The following AKT3 variants were observed in gnomAD, a reference collection of about 807,000 sequenced individuals.
AKT3 encodes the protein AKT serine/threonine kinase 3.
Under a neutral mutation model 65.3 loss-of-function variants are expected in AKT3, and 15 were observed. The ratio of observed to expected loss-of-function variants is 0.23; its 90% CI spans 0.15 to 0.35. AKT3 has a LOEUF of 0.35. Ranked by LOEUF, AKT3 falls within the 10% of genes least tolerant of loss-of-function variation. The pLI is 1.00. For missense variants in AKT3, 243 were observed against 576.5 expected (o/e 0.42, Z 5.92); for synonymous variants, 206 against 183.8 (o/e 1.12, Z -0.98).
intron 8 of AKT3, among the ~76,000 whole-genome samples, chr1:243,587,328 A>G (rs1034442111): frequency 6.6e-6 from 1 of 152,112 alleles, no homozygotes; most frequent in African/African-American, 2.4e-5. Flanking sequence ...ATAAAAATAT[A>G]CGCTGGGTAC....
At chr1:243,723,975 A>G (rs1687065089) in intron 2 of AKT3, among the ~76,000 whole-genome samples, 1 of 152,188 alleles carries the variant, frequency 6.6e-6, no homozygotes, top group Non-Finnish European at 1.5e-5. Context: ...AATTCAAGTT[A>G]AAGCTGTCTC....
chr1:243,744,310 G>C (rs1688339842), intron 2 of AKT3, among the ~76,000 whole-genome samples: 1 of 152,140 alleles, frequency 6.6e-6, no homozygotes, highest in African/African-American at 2.4e-5. Flanking sequence ...GGAAGGGAAG[G>C]CTTATAAGGT....
intron 2 of AKT3, among the ~76,000 whole-genome samples, chr1:243,833,072 C>T (rs1052732495): frequency 1.3e-5 from 2 of 151,970 alleles, no homozygotes; most frequent in African/African-American, 2.4e-5. Flanking sequence ...CCAGCCTGGC[C>T]AACATGGTGA....
intron 3 of AKT3, among the ~76,000 whole-genome samples, chr1:243,681,648 T>C (rs1240829253): frequency 1.3e-5 from 2 of 152,172 alleles, no homozygotes; most frequent in Non-Finnish European, 2.9e-5. Flanking sequence ...ACGAAAGTTC[T>C]ATGGGTGCTG....
At chr1:243,614,882 A>G (rs1678181482) in intron 7 of AKT3, among the ~76,000 whole-genome samples, 1 of 152,144 alleles carries the variant, frequency 6.6e-6, no homozygotes, top group Non-Finnish European at 1.5e-5. Flanking sequence ...AAATTCTCAA[A>G]AAAGTAATAA....
intron 2 of AKT3, among the ~76,000 whole-genome samples, chr1:243,716,395 C>T (rs1268071135): frequency 6.6e-6 from 1 of 151,998 alleles, no homozygotes; most frequent in Non-Finnish European, 1.5e-5. Context: ...CTAGCAGGTA[C>T]CAAATACAAT....
intron 10 of AKT3, among the ~76,000 whole-genome samples, chr1:243,553,399 A>G (rs1004349402): frequency 6.6e-6 from 1 of 152,224 alleles, no homozygotes; most frequent in African/African-American, 2.4e-5. Flanking sequence ...AATACAAATT[A>G]AACAGTGAAA....
chr1:243,657,815 G>A (rs927844500), intron 4 of AKT3, among the ~76,000 whole-genome samples: 3 of 152,058 alleles, frequency 2.0e-5, no homozygotes, highest in African/African-American at 7.2e-5. Flanking sequence ...ACAGAACAGA[G>A]AGCCCAGGTA....
intron 2 of AKT3, among the ~76,000 whole-genome samples, chr1:243,758,947 C>T (rs888674016): frequency 2.0e-5 from 3 of 152,218 alleles, no homozygotes; most frequent in Non-Finnish European, 2.9e-5. Flanking sequence ...TGATATGGGA[C>T]GCTACAGGAG....
At chr1:243,835,488 A>G (rs1694839825) in intron 2 of AKT3, among the ~76,000 whole-genome samples, 1 of 152,176 alleles carries the variant, frequency 6.6e-6, no homozygotes, top group Non-Finnish European at 1.5e-5. Flanking sequence ...ACCTTAGAAC[A>G]ATACCTAAAA....
At position 243,489,822 on chromosome 1, in the gene AKT3, C is replaced by G. The variant is rs1398095722; in HGVS notation, c.*7-1372G>C. The stretch of plus-strand genomic sequence containing the variant: ...CCTGACTCCACAGCCCAGGCTTTCC[C>G]CATTCAGGTTAGATCCGGGGCCACC... On this transcript the variant is annotated intron_variant, in intron 13 of 13. Transcript: ENST00000336199. Among the ~76,000 whole-genome samples, 3 of 152,302 alleles carry G rather than the reference C, an allele frequency of 2.0e-5. No individual in the cohort carries two copies. The South Asian group carries it at 6.2e-4, about 32-fold the overall frequency.
At chr1:243,566,932 T>C (rs951714351) in intron 9 of AKT3, among the ~76,000 whole-genome samples, 1 of 152,242 alleles carries the variant, frequency 6.6e-6, no homozygotes, top group Non-Finnish European at 1.5e-5. Context: ...ACATTTCTGT[T>C]GGCTCAATGA....
intron 2 of AKT3, among the ~76,000 whole-genome samples, chr1:243,809,650 C>T (rs1165817954): frequency 1.3e-5 from 2 of 152,070 alleles, no homozygotes; most frequent in African/African-American, 4.8e-5. Flanking sequence ...CAAGGATATC[C>T]AGGAATTAAA....
intron 4 of AKT3, among the ~76,000 whole-genome samples, chr1:243,656,820 G>A (rs533521831): frequency 6.6e-6 from 1 of 152,284 alleles, no homozygotes; most frequent in Non-Finnish European, 1.5e-5. Flanking sequence ...GTAGTTAGCT[G>A]TTAAGAAAGA....
rs752984036 is a variant in AKT3 at position 243,646,068 on chromosome 1, A to G, written c.285-31T>C. 1.8e-5 allele frequency: 27 copies of G among 1,541,712 alleles called. No homozygotes were observed. In the South Asian group the frequency reaches 2.9e-4, roughly 17 times the overall value. On this transcript the variant is annotated intron_variant, in intron 4 of 13. Transcript: ENST00000673466. The stretch of plus-strand genomic sequence containing the variant: ...AAAATGAGTAAAATTTCCCATTAAT[A>G]GAAGATGGTAAATGATTTAAATATT...
intron 2 of AKT3, among the ~76,000 whole-genome samples, chr1:243,698,249 T>C (rs1016245066): frequency 1.3e-5 from 2 of 152,126 alleles, no homozygotes; most frequent in Non-Finnish European, 2.9e-5. Flanking sequence ...AGATTTATAC[T>C]GGTACAATAT....
chr1:243,583,523 G>A (rs138015309), intron 8 of AKT3, among the ~76,000 whole-genome samples: 72 of 128,488 alleles, frequency 5.6e-4, no homozygotes, highest in African/African-American at 2.0e-3. Flanking sequence ...CCACATGCTC[G>A]TCCTTAAAGT....
intron 2 of AKT3, among the ~76,000 whole-genome samples, chr1:243,744,868 A>C (rs977347481): frequency 6.6e-6 from 1 of 151,894 alleles, no homozygotes; most frequent in African/African-American, 2.4e-5. Context: ...TGAAATGGCT[A>C]TTCTCATCAC....
intron 5 of AKT3, among the ~76,000 whole-genome samples, chr1:243,641,410 C>T (rs984863553): frequency 1.3e-5 from 2 of 150,278 alleles, no homozygotes; most frequent in African/African-American, 5.0e-5. Flanking sequence ...ATAACCAGGC[C>T]AGAGTGTCAA....
Sources: allele counts gnomAD v4.1 joint callset (sites outside exome capture counted in the v4.1 genomes callset), GRCh38; gene constraint gnomAD v4.1.1; transcripts MANE v1.5; gene names NCBI Gene and HGNC (gene_info 2026-07-23, HGNC 2026-07-21).